Variants in MEGF9 observed in about 807,000 individuals in gnomAD.
MEGF9 encodes multiple EGF like domains 9.
A neutral mutation model predicts 46.8 loss-of-function variants in MEGF9; 6 were observed. The ratio of observed to expected loss-of-function variants is 0.13; its 90% confidence interval spans 0.07 to 0.25. The LOEUF is 0.25. Ranked by LOEUF, MEGF9 falls within the 10% of genes least tolerant of loss-of-function variation. The pLI is 1.00. For missense variants in MEGF9, 683 were observed against 792.4 expected (o/e 0.86, Z 1.66); for synonymous variants, 302 against 330.7 (o/e 0.91, Z 0.94).
At chr9:120,656,383 T>C (rs1321304975) in intron 2 of MEGF9, among the ~76,000 whole-genome samples, 1 of 151,702 alleles carries the variant, frequency 6.6e-6, no homozygotes, top group Non-Finnish European at 1.5e-5. Context: ...CCACCTCTAC[T>C]AAAAATACAA....
intron 2 of MEGF9, among the ~76,000 whole-genome samples, chr9:120,636,686 C>T (rs1418354956): frequency 6.6e-6 from 1 of 152,136 alleles, no homozygotes. Flanking sequence ...AAAATACAAG[C>T]ATAAAAATGG....
intron 1 of MEGF9, among the ~76,000 whole-genome samples, chr9:120,674,992 C>T (rs1378118845): frequency 6.6e-6 from 1 of 151,926 alleles, no homozygotes; most frequent in African/African-American, 2.4e-5. Context: ...CATTTTCCTG[C>T]CTCAGCTTCC....
chr9:120,606,040 C>T (rs141944461), intron 5 of MEGF9, among the ~76,000 whole-genome samples: 2,376 of 151,890 alleles, frequency 0.016, 54 homozygotes, highest in African/African-American at 0.053. Flanking sequence ...GGCGTGGTGG[C>T]GGGTGCCTGT....
chr9:120,639,750 T>G (rs1198970942), intron 2 of MEGF9, among the ~76,000 whole-genome samples: 1 of 151,366 alleles, frequency 6.6e-6, no homozygotes, highest in African/African-American at 2.4e-5. Context: ...GTGTTGCTAT[T>G]ATTTTAGTAT....
chr9:120,692,566 A>G (rs1270319094), intron 1 of MEGF9, among the ~76,000 whole-genome samples: 1 of 152,122 alleles, frequency 6.6e-6, no homozygotes, highest in Non-Finnish European at 1.5e-5. Context: ...ATACTTCTTC[A>G]TGGCTCTTAG....
intron 1 of MEGF9, 110 bp downstream of exon 1, chr9:120,713,648 C>G (rs909003502): frequency 5.4e-5 from 67 of 1,230,306 alleles, no homozygotes; most frequent in Non-Finnish European, 6.6e-5. Context: ...GAGCCGGAAC[C>G]TGGGGTGTCT....
chr9:120,685,093 C>G (rs577639239), intron 1 of MEGF9, among the ~76,000 whole-genome samples: 1 of 152,290 alleles, frequency 6.6e-6, no homozygotes, highest in African/African-American at 2.4e-5. Flanking sequence ...CTGGGCCTCC[C>G]AAAGTGCTGG....
At chr9:120,619,182 C>G (rs1396054950) in intron 3 of MEGF9, among the ~76,000 whole-genome samples, 2 of 151,776 alleles carry the variant, frequency 1.3e-5, no homozygotes, top group Non-Finnish European at 2.9e-5. Context: ...CCCGTCTCTA[C>G]TAAAAATACA....
chr9:120,630,055 GC>G (rs1204152255), intron 2 of MEGF9, among the ~76,000 whole-genome samples: 1 of 152,126 alleles, frequency 6.6e-6, no homozygotes, highest in Non-Finnish European at 1.5e-5. Context: ...TTGCTGAGTA[GC>G]CTTTTTTGCT....
intron 1 of MEGF9, among the ~76,000 whole-genome samples, chr9:120,701,140 C>A (rs1037733921): frequency 1.0e-3 from 154 of 148,114 alleles, no homozygotes; most frequent in African/African-American, 3.7e-3. Flanking sequence ...AAAAAAAAAA[C>A]AATTTCCAAA....
chr9:120,604,689 C>T lies in MEGF9; in HGVS notation c.*501G>A, dbSNP rs1026068642. 2 of 157,472 alleles carry T rather than the reference C, an allele frequency of 1.3e-5. No homozygotes were observed. Among genetic ancestry groups the T allele is most frequent in the Non-Finnish European group, 2.8e-5 (2 of 70,706 alleles). 9.8% of individuals were successfully genotyped at this position (157,472 alleles called of 1,614,324 possible). ...TTTCTACCCCTGTTCTAGAAACAATCAAGATTATTTACTGTGATACAGCCT... is the reference window on the plus strand; with the variant it reads ...TTTCTACCCCTGTTCTAGAAACAATTAAGATTATTTACTGTGATACAGCCT... On this transcript the variant is annotated 3_prime_UTR_variant, in exon 6 of 6. Transcript: ENST00000373930.
intron 1 of MEGF9, among the ~76,000 whole-genome samples, chr9:120,681,778 TC>T (rs2043799724): frequency 6.6e-6 from 1 of 152,130 alleles, no homozygotes; most frequent in South Asian, 2.1e-4. Flanking sequence ...TATCACAATA[TC>T]CCAAGTCCAA....
chr9:120,614,832 T>A (rs1299141206), intron 3 of MEGF9, among the ~76,000 whole-genome samples: 1 of 151,452 alleles, frequency 6.6e-6, no homozygotes, highest in Non-Finnish European at 1.5e-5. Flanking sequence ...AAAATTTGGA[T>A]GTTCAGGGTA....
Position 120,605,488 on chromosome 9 carries a change from G to T in MEGF9, c.1511C>A (p.Ala504Asp). Residue 504 changes from alanine (A) to aspartate (D), a missense_variant, in exon 6 of 6, where the codon GCT becomes GAT. Ala to Asp is a moderately radical substitution (Grantham distance 126). This residue lies in a region of MEGF9 where 313 missense variants were observed against 421.1 expected (regional missense o/e 0.74). Coordinates refer to ENST00000373930, the MANE Select transcript of MEGF9 (RefSeq NM_001080497.3). This position sits in a 1 kb window ranked among gnomAD's most constrained non-coding sequence, Gnocchi z 4.0. ...TTGGGTCCATGATACATCAGCTAAA[G>T]CTGAAGTGCTGTTTTCAGAAGTGCT... ...SVSTSENSTSALADVSWTQFN... is the reference protein window; with the variant it reads ...SVSTSENSTSDLADVSWTQFN... The T allele has an allele frequency of 6.2e-7, 1 of 1,614,024 alleles. No individual in the cohort carries two copies. Among genetic ancestry groups the T allele is most frequent in the East Asian group, 2.2e-5 (1 of 44,884 alleles).
chr9:120,655,104 T>C (rs969172893), intron 2 of MEGF9, among the ~76,000 whole-genome samples: 1 of 152,180 alleles, frequency 6.6e-6, no homozygotes, highest in Non-Finnish European at 1.5e-5. Flanking sequence ...AAAATAAATT[T>C]AGTGTAGCCT....
Position 120,623,638 on chromosome 9 carries a change from A to C in MEGF9, c.804-883T>G, listed in dbSNP as rs1241297666. On this transcript the variant is annotated intron_variant, in intron 2 of 5. Coordinates refer to ENST00000373930, the MANE Select transcript of MEGF9 (RefSeq NM_001080497.3). ...ATGAATCTTAAGTAATTTAGTAAAG[A>C]AAAAAGAAAAGAAGCCACACACATA... 2.0e-5 allele frequency among the ~76,000 whole-genome samples: 3 copies of C among 152,350 alleles called. No homozygotes were observed. In the South Asian group the frequency reaches 6.2e-4, roughly 32 times the overall value.
At chr9:120,646,611 G>C (rs1413180329) in intron 2 of MEGF9, among the ~76,000 whole-genome samples, 3 of 152,090 alleles carry the variant, frequency 2.0e-5, no homozygotes, top group Non-Finnish European at 4.4e-5. Context: ...ATGTCTCCCA[G>C]CTTCTTAATC....
chr9:120,622,786 A>G lies in MEGF9; in HGVS notation c.804-31T>C, dbSNP rs1276631801. The G allele has an allele frequency of 3.7e-6, 6 of 1,609,912 alleles. No homozygotes were observed. The South Asian group carries it at 6.6e-5, about 18-fold the overall frequency. Reference sequence around the variant, plus strand: ...AATAAAAGCAAAGACAATGAATAAAAGTAAATCAATTTAAAAGTTGTATTG... The same window carrying G: ...AATAAAAGCAAAGACAATGAATAAAGGTAAATCAATTTAAAAGTTGTATTG... On this transcript the variant is annotated intron_variant, in intron 2 of 5. Transcript: ENST00000373930.
intron 3 of MEGF9, among the ~76,000 whole-genome samples, chr9:120,617,175 T>C (rs182104001): frequency 6.6e-6 from 1 of 152,156 alleles, no homozygotes; most frequent in African/African-American, 2.4e-5. Flanking sequence ...GATTTTTTCA[T>C]GCTCCTTGAC....
Sources: allele counts gnomAD v4.1 joint callset (sites outside exome capture counted in the v4.1 genomes callset), GRCh38; gene constraint gnomAD v4.1.1; regional missense constraint gnomAD v4.1.1; non-coding constraint Gnocchi (gnomAD v3.1); transcripts MANE v1.5; gene names NCBI Gene and HGNC (gene_info 2026-07-23, HGNC 2026-07-21).